HYCC2: variants seen among roughly 807,000 people sequenced by gnomAD.
The protein encoded by HYCC2 is hyccin PI4KA lipid kinase complex subunit 2, also known as hyccin 2.
chr2:200,979,774 T>A, the HYCC2 span: 1 of 152,574 alleles, frequency 6.6e-6, no homozygotes, highest in African/African-American at 2.4e-5. Context: ...ACCCAATATA[T>A]TCCCTTCTTT....
the HYCC2 span, among the ~76,000 whole-genome samples, chr2:201,031,992 C>T: frequency 6.6e-6 from 1 of 152,062 alleles, no homozygotes; most frequent in Non-Finnish European, 1.5e-5. Flanking sequence ...GACAGAGTCT[C>T]GCTCTGTTGC....
the HYCC2 span, among the ~76,000 whole-genome samples, chr2:201,010,005 G>A: frequency 5.3e-5 from 8 of 151,456 alleles, no homozygotes; most frequent in Non-Finnish European, 1.2e-4. Flanking sequence ...TCGGAAGGCT[G>A]AGACAGGAGA....
the HYCC2 span, among the ~76,000 whole-genome samples, chr2:201,066,092 T>C: frequency 1.3e-5 from 2 of 152,026 alleles, no homozygotes; most frequent in Non-Finnish European, 2.9e-5. Context: ...TTTTTTTTTC[T>C]TTGGAGACAG....
At chr2:201,022,482 G>A in the HYCC2 span, 2 of 219,906 alleles carry the variant, frequency 9.1e-6, no homozygotes, top group East Asian at 1.3e-4. Context: ...AAATACTTAA[G>A]ATAAATAAAG....
At chr2:201,036,161 T>A in the HYCC2 span, among the ~76,000 whole-genome samples, 2 of 152,210 alleles carry the variant, frequency 1.3e-5, no homozygotes, top group African/African-American at 4.8e-5. Context: ...GATAAATTCC[T>A]GGACACATAT....
the HYCC2 span, among the ~76,000 whole-genome samples, chr2:201,034,917 T>C: frequency 6.6e-6 from 1 of 152,202 alleles, no homozygotes; most frequent in East Asian, 1.9e-4. Context: ...TTTAAGAATG[T>C]TGAATATTGG....
At chr2:200,997,416 T>A in the HYCC2 span, 1 of 1,388,638 alleles carries the variant, frequency 7.2e-7, no homozygotes, top group South Asian at 1.2e-5. Flanking sequence ...CAAATAAATA[T>A]GAAGATTAGT....
At chr2:201,003,772 C>A in the HYCC2 span, among the ~76,000 whole-genome samples, 1 of 147,326 alleles carries the variant, frequency 6.8e-6, no homozygotes, top group African/African-American at 2.5e-5. Flanking sequence ...ATGCAGTTTG[C>A]CGCTATGTTT....
the HYCC2 span, among the ~76,000 whole-genome samples, chr2:201,036,999 A>G: frequency 6.6e-6 from 1 of 152,242 alleles, no homozygotes; most frequent in Non-Finnish European, 1.5e-5. Flanking sequence ...AGAAAACCCC[A>G]TCGTCTCTGC....
chr2:200,986,575 G>A, the HYCC2 span, among the ~76,000 whole-genome samples: 11 of 151,892 alleles, frequency 7.2e-5, no homozygotes, highest in Admixed American at 2.6e-4. Context: ...ATGGGGGTTC[G>A]GGGGGGAAGG....
chr2:201,066,856 C>T, the HYCC2 span: 517 of 155,378 alleles, frequency 3.3e-3, 1 homozygote, highest in African/African-American at 0.011. Flanking sequence ...AAGTCACCCA[C>T]GTCCCGGTGG....
At chr2:200,975,265 C>T in the HYCC2 span, 3 of 151,942 alleles carry the variant, frequency 2.0e-5, no homozygotes, top group East Asian at 5.8e-4. Flanking sequence ...CATTCCTTAA[C>T]AAGTACTTTA....
At chr2:201,037,370 T>G in the HYCC2 span, among the ~76,000 whole-genome samples, 3 of 152,192 alleles carry the variant, frequency 2.0e-5, no homozygotes, top group Non-Finnish European at 2.9e-5. Context: ...ATGACCTTCT[T>G]CACAGAATTG....
At chr2:201,070,020 G>A in the HYCC2 span, among the ~76,000 whole-genome samples, 1 of 152,076 alleles carries the variant, frequency 6.6e-6, no homozygotes, top group Non-Finnish European at 1.5e-5. Flanking sequence ...TAAGCTAAAG[G>A]CAATATTTCA....
At chr2:201,070,939 G>C in the HYCC2 span, among the ~76,000 whole-genome samples, 1 of 152,066 alleles carries the variant, frequency 6.6e-6, no homozygotes, top group Non-Finnish European at 1.5e-5. Flanking sequence ...TCCATAATTG[G>C]GATAAGCTCT....
At chr2:201,050,607 A>G in the HYCC2 span, among the ~76,000 whole-genome samples, 541 of 151,660 alleles carry the variant, frequency 3.6e-3, 5 homozygotes, top group African/African-American at 0.012. Context: ...AAGAAAAAAA[A>G]AAAAAAAGGA....
At chr2:200,977,128 T>C in the HYCC2 span, 40 of 152,370 alleles carry the variant, frequency 2.6e-4, no homozygotes, top group East Asian at 6.2e-3. Context: ...TCTGTAGATA[T>C]ACTTAACATT....
the HYCC2 span, among the ~76,000 whole-genome samples, chr2:201,025,296 A>C: frequency 1.3e-5 from 2 of 152,180 alleles, no homozygotes; most frequent in African/African-American, 4.8e-5. Flanking sequence ...CATTCCATAA[A>C]TATTTCTTAA....
At chr2:200,992,974 T>C in the HYCC2 span, 3 of 1,613,886 alleles carry the variant, frequency 1.9e-6, no homozygotes, top group South Asian at 3.3e-5. Context: ...GTGTTTTTCA[T>C]GTTGCCGTGG....
Sources: gnomAD v4.1 joint callset for allele counts (sites outside exome capture counted in the v4.1 genomes callset) on GRCh38, gnomAD v4.1.1 for gene constraint, MANE v1.5 for transcripts, NCBI Gene and HGNC (gene_info 2026-07-23, HGNC 2026-07-21) for gene names.